FAM184B: variants seen among roughly 807,000 people sequenced by gnomAD.
FAM184B encodes family with sequence similarity 184 member B, also known as protein FAM184B.
In FAM184B, 111 loss-of-function variants were observed where a neutral mutation model predicts 135.9. The observed-to-expected ratio is 0.82, with a 90% CI of 0.70 to 0.96. FAM184B has a LOEUF of 0.96. Among genes scored for constraint, FAM184B ranks in the 40% least tolerant of loss-of-function variants. The probability of loss-of-function intolerance (pLI) is 0.00; values close to 1 mark genes in which losing one functional copy is unlikely to be tolerated. For missense variants in FAM184B, 1,375 were observed against 1,323.9 expected (o/e 1.04, Z -0.60); for synonymous variants, 552 against 524.8 (o/e 1.05, Z -0.71).
At chr4:17,731,263 C>T (rs1320441285) in intron 1 of FAM184B, among the ~76,000 whole-genome samples, 1 of 152,140 alleles carries the variant, frequency 6.6e-6, no homozygotes, top group Non-Finnish European at 1.5e-5. Flanking sequence ...AAGAAAACTG[C>T]ATCAACTAAC....
chr4:17,779,300 A>G (rs1374376387), intron 1 of FAM184B, among the ~76,000 whole-genome samples: 2 of 152,242 alleles, frequency 1.3e-5, no homozygotes, highest in East Asian at 3.8e-4. Context: ...AATATTTCAC[A>G]TACAAATAGT....
chr4:17,648,287 C>T (rs553406590), intron 11 of FAM184B, among the ~76,000 whole-genome samples: 40 of 151,998 alleles, frequency 2.6e-4, no homozygotes, highest in Admixed American at 1.2e-3. Context: ...ATCAAATGAC[C>T]GAAAAGGCCT....
At chr4:17,736,230 T>C (rs1191363609) in intron 1 of FAM184B, among the ~76,000 whole-genome samples, 2 of 152,162 alleles carry the variant, frequency 1.3e-5, no homozygotes, top group African/African-American at 4.8e-5. Context: ...ACAACAGAAC[T>C]AGGATTCTGT....
intron 14 of FAM184B, among the ~76,000 whole-genome samples, chr4:17,638,109 C>A (rs143158212): frequency 1.4e-5 from 2 of 147,896 alleles, no homozygotes; most frequent in Non-Finnish European, 3.0e-5. Flanking sequence ...GCACTTTCAC[C>A]GCCTGGTATG....
intron 1 of FAM184B, among the ~76,000 whole-genome samples, chr4:17,752,508 A>G (rs191979619): frequency 6.4e-4 from 97 of 152,304 alleles, no homozygotes; most frequent in African/African-American, 2.2e-3. Flanking sequence ...TTTTGCTTTG[A>G]TCACAGAGAG....
At chr4:17,708,762 C>T in intron 2 of FAM184B, 130 bp downstream of exon 2, 2 of 673,760 alleles carry the variant, frequency 3.0e-6, no homozygotes, top group Non-Finnish European at 4.4e-6. Context: ...TAGGTGAATT[C>T]AATGGAGATA....
intron 1 of FAM184B, among the ~76,000 whole-genome samples, chr4:17,765,951 CTTCCTTCTGTCCGGGGTTATTCA>C (rs1279834423): frequency 3.3e-5 from 5 of 152,240 alleles, no homozygotes; most frequent in African/African-American, 1.2e-4. Context: ...AGAATTACTC[CTTCCTTCTGTCCGGGGTTATTCA>C]TTCCCCCCGG....
chr4:17,728,981 G>A (rs1038314870), intron 1 of FAM184B, among the ~76,000 whole-genome samples: 3 of 152,178 alleles, frequency 2.0e-5, no homozygotes, highest in Non-Finnish European at 1.5e-5. Context: ...AAGGGGTCAG[G>A]GAGTTCCTTT....
At chr4:17,661,380 G>A (rs556069311) in intron 8 of FAM184B, among the ~76,000 whole-genome samples, 5 of 152,086 alleles carry the variant, frequency 3.3e-5, no homozygotes, top group Non-Finnish European at 5.9e-5. Flanking sequence ...GTGAAACCCC[G>A]TCTCTACTAA....
At chr4:17,768,193 A>C (rs1217323063) in intron 1 of FAM184B, among the ~76,000 whole-genome samples, 5 of 152,228 alleles carry the variant, frequency 3.3e-5, no homozygotes, top group Non-Finnish European at 1.5e-5. Flanking sequence ...AGCAATTAAA[A>C]ATGTAAAGAT....
chr4:17,771,144 G>A (rs1187563635), intron 1 of FAM184B, among the ~76,000 whole-genome samples: 1 of 152,168 alleles, frequency 6.6e-6, no homozygotes, highest in Non-Finnish European at 1.5e-5. Context: ...AAAGATAAGC[G>A]TGTCCAAGCA....
intron 1 of FAM184B, among the ~76,000 whole-genome samples, chr4:17,778,988 G>C (rs774817227): frequency 3.4e-4 from 52 of 152,088 alleles, no homozygotes; most frequent in Non-Finnish European, 6.3e-4. Context: ...TACTAACTTT[G>C]TTAGCAAAAA....
intron 3 of FAM184B, among the ~76,000 whole-genome samples, chr4:17,706,904 G>A (rs1717132356): frequency 6.6e-6 from 1 of 152,028 alleles, no homozygotes; most frequent in Admixed American, 6.5e-5. Context: ...CCCTTCCTCA[G>A]CCTCCCAAGT....
chr4:17,739,555 G>GTTTTTTTTTTT lies in FAM184B; in HGVS notation c.142-29922_142-29912dup, dbSNP rs397992408. 9.4e-4 allele frequency among the ~76,000 whole-genome samples: 59 copies of GTTTTTTTTTTT among 62,508 alleles called. 24 individuals are homozygous for GTTTTTTTTTTT. The highest frequency in any genetic ancestry group is 2.4e-3 in the East Asian group (4 of 1,702). 41.0% of individuals were successfully genotyped at this position (62,508 alleles called of 152,430 possible). A position where few individuals can be genotyped will look rare whatever the true frequency, so the allele number is the denominator to read the frequency against. ...CCCTACACCATATGTCATACCAACT[G>GTTTTTTTTTTT]TTTTTTTTTTTTTTTTGAGATGGGG... On this transcript the variant is annotated intron_variant, in intron 1 of 17. Coordinates refer to ENST00000265018, the MANE Select transcript of FAM184B (RefSeq NM_015688.2).
intron 1 of FAM184B, among the ~76,000 whole-genome samples, chr4:17,713,184 C>T (rs1046297679): frequency 2.6e-5 from 4 of 152,144 alleles, no homozygotes; most frequent in Non-Finnish European, 4.4e-5. Flanking sequence ...AATTATTATG[C>T]GAATGAGTGA....
intron 1 of FAM184B, among the ~76,000 whole-genome samples, chr4:17,735,459 A>T (rs1163630396): frequency 2.0e-5 from 3 of 152,334 alleles, no homozygotes; most frequent in East Asian, 3.9e-4. Context: ...AGGAAATTTT[A>T]AAAATATTTT....
chr4:17,674,473 T>C (rs1051450609), intron 7 of FAM184B, among the ~76,000 whole-genome samples: 5 of 152,214 alleles, frequency 3.3e-5, no homozygotes, highest in African/African-American at 1.2e-4. Flanking sequence ...AAGGTCTTGC[T>C]CAATGTTGAT....
At position 17,723,262 on chromosome 4, in the gene FAM184B, CTT is replaced by C. The variant is rs143437850; in HGVS notation, c.142-13620_142-13619del. 8.1e-3 allele frequency among the ~76,000 whole-genome samples: 1,236 copies of C among 152,330 alleles called. 18 individuals carry two copies. The highest frequency in any genetic ancestry group is 0.027 in the African/African-American group (1,132 of 41,568). ...CACTATTCGCAGCAGAGAAAAATCT[CTT>C]TAACTATTTTCTAGTTCATTTATTG... is the stretch of plus-strand genomic sequence containing the variant. On this transcript the variant is annotated intron_variant, in intron 1 of 17. Transcript: ENST00000265018.
rs1202901869 is a variant in FAM184B, at chr4:17,630,813, A to T, written c.*1719T>A. 2 of 151,890 alleles carry T rather than the reference A, an allele frequency of 1.3e-5. No individual in the cohort carries two copies. The highest frequency in any genetic ancestry group is 2.9e-5 in the Non-Finnish European group (2 of 68,002). 9.4% of individuals were successfully genotyped at this position (151,890 alleles called of 1,614,324 possible). On this transcript the variant is annotated 3_prime_UTR_variant, in exon 18 of 18. Coordinates refer to ENST00000265018, the MANE Select transcript of FAM184B (RefSeq NM_015688.2). ...TTTTAAGATGGTGTGATTGAGGTTA[A>T]TGTGAACTGAACTTTCTATTTCTAA...
Sources: allele counts gnomAD v4.1 joint callset (sites outside exome capture counted in the v4.1 genomes callset), GRCh38; gene constraint gnomAD v4.1.1; transcripts MANE v1.5; gene names NCBI Gene and HGNC (gene_info 2026-07-23, HGNC 2026-07-21).